HTR1E: variants seen among roughly 807,000 people sequenced by gnomAD.
The protein encoded by HTR1E is 5-HT-1E.
Under a neutral mutation model 3.4 loss-of-function variants are expected in HTR1E, and 3 were observed. The ratio of observed to expected loss-of-function variants is 0.89; its 90% CI spans 0.41 to 2.31. HTR1E has a LOEUF of 2.31. Ranked by LOEUF, HTR1E falls within the 30% of genes most tolerant of loss-of-function variation. HTR1E has a pLI of 0.05. For synonymous variants in HTR1E, 170 were observed against 182.8 expected, an observed-to-expected ratio of 0.93 and a Z score of 0.56; for missense variants, 392 against 467.0, an observed-to-expected ratio of 0.84 and a Z score of 1.48.
chr6:86,972,228 A>C (rs1475785754), intron 1 of HTR1E, among the ~76,000 whole-genome samples: 1 of 152,212 alleles, frequency 6.6e-6, no homozygotes, highest in Admixed American at 6.6e-5. Context: ...TTCTATTCAT[A>C]AGTTAATGCT....
At position 87,016,545 on chromosome 6, in the gene HTR1E, T is replaced by G. The variant is rs929597013; in HGVS notation, c.*113T>G. ...CTTGGTTCAGGAGAGTTTGTAAGTA[T>G]GTGTGGTCTTGTTTCCTTGTTTGTT... is the stretch of plus-strand genomic sequence containing the variant. On this transcript the variant is annotated 3_prime_UTR_variant, in exon 2 of 2. Transcript: ENST00000305344. 12 of 829,222 alleles carry G rather than the reference T, an allele frequency of 1.4e-5. No individual in the cohort carries two copies. Among genetic ancestry groups the G allele is most frequent in the Admixed American group, 2.8e-5 (1 of 35,478 alleles). 51.4% of individuals were successfully genotyped at this position (829,222 alleles called of 1,614,324 possible).
intron 1 of HTR1E, among the ~76,000 whole-genome samples, chr6:86,972,273 C>A (rs1221909721): frequency 6.6e-6 from 1 of 151,946 alleles, no homozygotes; most frequent in East Asian, 1.9e-4. Context: ...ATTAAAAATT[C>A]TTTATGCATT....
At chr6:86,966,221 A>G (rs1162554918) in intron 1 of HTR1E, among the ~76,000 whole-genome samples, 2 of 152,188 alleles carry the variant, frequency 1.3e-5, no homozygotes, top group Admixed American at 6.5e-5. Flanking sequence ...AACAGCTGAA[A>G]ATAAAGTCAG....
chr6:86,944,660 G>A (rs1244150220), intron 1 of HTR1E, among the ~76,000 whole-genome samples: 2 of 152,196 alleles, frequency 1.3e-5, no homozygotes, highest in African/African-American at 2.4e-5. Context: ...TCATGAAAGT[G>A]ATGATAATAA....
At chr6:87,007,625 T>A (rs1274853149) in intron 1 of HTR1E, among the ~76,000 whole-genome samples, 1 of 152,076 alleles carries the variant, frequency 6.6e-6, no homozygotes, top group South Asian at 2.1e-4. Flanking sequence ...CCACAAAAAA[T>A]TTAAAATTTT....
At chr6:87,002,331 T>C (rs1440058366) in intron 1 of HTR1E, among the ~76,000 whole-genome samples, 1 of 152,216 alleles carries the variant, frequency 6.6e-6, no homozygotes, top group Non-Finnish European at 1.5e-5. Context: ...CAGCTCTTAA[T>C]GGTGGTGTGG....
chr6:86,980,114 G>A (rs1035617898), intron 1 of HTR1E, among the ~76,000 whole-genome samples: 6 of 152,234 alleles, frequency 3.9e-5, no homozygotes, highest in East Asian at 3.9e-4. Context: ...TCGGCCAGGC[G>A]CGGTGGCTCA....
intron 1 of HTR1E, among the ~76,000 whole-genome samples, chr6:86,964,949 T>C (rs1290047205): frequency 6.6e-6 from 1 of 152,238 alleles, no homozygotes. Context: ...TTCAAATTTA[T>C]TGAACTTCAT....
chr6:86,988,685 A>T (rs1203683385), intron 1 of HTR1E, among the ~76,000 whole-genome samples: 1 of 152,152 alleles, frequency 6.6e-6, no homozygotes, highest in African/African-American at 2.4e-5. Flanking sequence ...TCCTCCAAGG[A>T]TGCTGTCTAT....
chr6:87,013,752 AT>A (rs1415959925), intron 1 of HTR1E, among the ~76,000 whole-genome samples: 2 of 152,128 alleles, frequency 1.3e-5, no homozygotes, highest in African/African-American at 4.8e-5. Flanking sequence ...TACATTTAAA[AT>A]TTTGTGATGT....
chr6:86,948,094 T>C (rs537325865), intron 1 of HTR1E, among the ~76,000 whole-genome samples: 2 of 152,324 alleles, frequency 1.3e-5, no homozygotes, highest in South Asian at 4.1e-4. Context: ...TCATGTGTTC[T>C]CATTGTTCAA....
At chr6:86,939,002 G>C (rs1231155680) in intron 1 of HTR1E, among the ~76,000 whole-genome samples, 5 of 152,106 alleles carry the variant, frequency 3.3e-5, no homozygotes, top group Non-Finnish European at 7.3e-5. Context: ...CAGGCACGTG[G>C]GTCTGATTCC....
chr6:86,959,376 C>T (rs967610647), intron 1 of HTR1E, among the ~76,000 whole-genome samples: 5 of 152,036 alleles, frequency 3.3e-5, no homozygotes, highest in Admixed American at 6.6e-5. Flanking sequence ...GCTCAGAGTT[C>T]GAGACCAGCC....
intron 1 of HTR1E, among the ~76,000 whole-genome samples, chr6:87,006,801 T>G (rs1170001418): frequency 6.6e-6 from 1 of 152,178 alleles, no homozygotes; most frequent in Non-Finnish European, 1.5e-5. Flanking sequence ...GAAGCCATTA[T>G]CCTCAGCAAA....
At chr6:86,971,111 A>G in intron 1 of HTR1E, 1 of 511,164 alleles carries the variant, frequency 2.0e-6, no homozygotes, top group Non-Finnish European at 3.9e-6. Context: ...GGAATGAAGA[A>G]AAGACCACTC....
At chr6:86,984,947 C>A (rs1767763692) in intron 1 of HTR1E, among the ~76,000 whole-genome samples, 1 of 152,088 alleles carries the variant, frequency 6.6e-6, no homozygotes, top group Admixed American at 6.6e-5. Context: ...GGACAAGGAG[C>A]ACAAGTTTTG....
At chr6:87,009,984 A>G (rs1458097889) in intron 1 of HTR1E, among the ~76,000 whole-genome samples, 48 of 95,044 alleles carry the variant, frequency 5.1e-4, no homozygotes, top group East Asian at 1.2e-3. Flanking sequence ...CTCACCTCCC[A>G]GACGGGGTGG....
At chr6:87,005,856 C>A (rs1454734533) in intron 1 of HTR1E, among the ~76,000 whole-genome samples, 1 of 151,960 alleles carries the variant, frequency 6.6e-6, no homozygotes, top group Non-Finnish European at 1.5e-5. Flanking sequence ...GAATAATAAC[C>A]AGAATATATA....
intron 1 of HTR1E, among the ~76,000 whole-genome samples, chr6:87,007,453 T>TA (rs1768131349): frequency 6.6e-6 from 1 of 152,200 alleles, no homozygotes; most frequent in African/African-American, 2.4e-5. Flanking sequence ...TAATTTATTC[T>TA]AAATTTTAAA....
Sources: gnomAD v4.1 joint callset for allele counts (sites outside exome capture counted in the v4.1 genomes callset) on GRCh38, gnomAD v4.1.1 for gene constraint, MANE v1.5 for transcripts, NCBI Gene and HGNC (gene_info 2026-07-23, HGNC 2026-07-21) for gene names.